NAALADL2: variants seen among roughly 807,000 people sequenced by gnomAD.
NAALADL2 encodes the protein inactive N-acetylated-alpha-linked acidic dipeptidase-like protein 2.
Under a neutral mutation model 87.2 loss-of-function variants are expected in NAALADL2, and 76 were observed. The ratio of observed to expected loss-of-function variants is 0.87; its 90% CI spans 0.72 to 1.05. NAALADL2 has a LOEUF of 1.05. Among genes scored for constraint, NAALADL2 ranks in the 50% least tolerant of loss-of-function variants. The probability of loss-of-function intolerance (pLI) is 0.00; values close to 1 mark genes in which losing one functional copy is unlikely to be tolerated. For synonymous variants in NAALADL2, 354 were observed against 331.0 expected, an observed-to-expected ratio of 1.07 and a Z score of -0.75; for missense variants, 1,089 against 945.8, an observed-to-expected ratio of 1.15 and a Z score of -1.99.
At chr3:175,466,954 G>T in intron 7 of NAALADL2, 25 bp from the exon 8 acceptor site, 1 of 1,538,592 alleles carries the variant, frequency 6.5e-7, no homozygotes, top group Non-Finnish European at 9.0e-7. Context: ...TTTTTTAAAT[G>T]GCTCTTGTCC....
intron 2 of NAALADL2, among the ~76,000 whole-genome samples, chr3:175,104,272 A>G (rs929381398): frequency 3.8e-4 from 58 of 152,302 alleles, no homozygotes; most frequent in African/African-American, 1.4e-3. Flanking sequence ...GTCCTTACCT[A>G]TAGGTAAACT....
rs533338319 is a variant in NAALADL2, at chr3:174,922,685, G to A, written c.43+63235G>A. 2.6e-5 allele frequency among the ~76,000 whole-genome samples: 4 copies of A among 152,114 alleles called. 1 individual carries two copies. The highest frequency in any genetic ancestry group is 1.3e-4 in the Admixed American group (2 of 15,272). On this transcript the variant is annotated intron_variant, in intron 1 of 13. Transcript: ENST00000454872. ...GTAAGGAATTTGACACTTTTGAAGA[G>A]TACAGATCAGTTATTTTGTAGAAAA...
chr3:174,836,765 A>G (rs947235263), intron 3 of NAALADL2, among the ~76,000 whole-genome samples: 4 of 151,224 alleles, frequency 2.6e-5, no homozygotes, highest in Non-Finnish European at 4.4e-5. Flanking sequence ...TGTTATGTAT[A>G]TTTTACCACA....
chr3:175,140,334 T>A (rs887634146), intron 2 of NAALADL2, among the ~76,000 whole-genome samples: 1 of 152,100 alleles, frequency 6.6e-6, no homozygotes, highest in African/African-American at 2.4e-5. Flanking sequence ...GACTAGAAAA[T>A]GTACTATATG....
chr3:175,453,286 C>G (rs1403858560), intron 6 of NAALADL2, among the ~76,000 whole-genome samples: 2 of 152,082 alleles, frequency 1.3e-5, no homozygotes, highest in Admixed American at 1.3e-4. Context: ...TGGACCAACA[C>G]TGTCATTTAC....
Position 174,651,828 on chromosome 3 carries a change from T to G in NAALADL2, c.-114-85813T>G, listed in dbSNP as rs533931525. On this transcript the variant is annotated intron_variant, in intron 2 of 3. Coordinates refer to the NAALADL2 transcript ENST00000434257. ...TTTATTTTTAAATGGAAGTTTAAAC[T>G]AAACTTACTTATTGAAATATAACAC... is the stretch of plus-strand genomic sequence containing the variant. 2.6e-5 allele frequency among the ~76,000 whole-genome samples: 4 copies of G among 152,328 alleles called. No homozygotes were observed. The East Asian group carries it at 7.7e-4, about 29-fold the overall frequency.
At chr3:174,836,728 AAAAAATG>A (rs1723379698) in intron 3 of NAALADL2, among the ~76,000 whole-genome samples, 1 of 151,096 alleles carries the variant, frequency 6.6e-6, no homozygotes, top group African/African-American at 2.5e-5. Context: ...AAAAAAAAAA[AAAAAATG>A]CTTAAGAGGG....
chr3:175,444,443 G>C (rs150185536), intron 5 of NAALADL2, among the ~76,000 whole-genome samples: 70 of 152,106 alleles, frequency 4.6e-4, no homozygotes, highest in African/African-American at 1.6e-3. Flanking sequence ...TTTTGGCTGA[G>C]AGCAGCCTCC....
intron 2 of NAALADL2, among the ~76,000 whole-genome samples, chr3:175,132,914 C>A (rs34298311): frequency 0.088 from 13,381 of 151,272 alleles, 642 homozygotes; most frequent in Non-Finnish European, 0.11. Flanking sequence ...CGGAGGGACT[C>A]CTCACTTCTC....
chr3:174,842,466 T>G (rs1724137989), intron 3 of NAALADL2, among the ~76,000 whole-genome samples: 1 of 152,222 alleles, frequency 6.6e-6, no homozygotes, highest in Admixed American at 6.5e-5. Context: ...AGTTTTGTGC[T>G]ACTGGAACTT....
intron 5 of NAALADL2, among the ~76,000 whole-genome samples, chr3:175,327,263 C>G (rs1760848406): frequency 6.7e-6 from 1 of 149,718 alleles, no homozygotes; most frequent in Non-Finnish European, 1.5e-5. Context: ...TCATGCCATT[C>G]TCCTGCCTCA....
chr3:175,505,014 C>T (rs563900479), intron 9 of NAALADL2, among the ~76,000 whole-genome samples: 10 of 152,242 alleles, frequency 6.6e-5, no homozygotes, highest in Non-Finnish European at 1.2e-4. Flanking sequence ...CATTATTTGA[C>T]GTTTCTCTTA....
At chr3:174,745,194 A>G (rs1734134074) in intron 3 of NAALADL2, among the ~76,000 whole-genome samples, 1 of 152,036 alleles carries the variant, frequency 6.6e-6, no homozygotes, top group Non-Finnish European at 1.5e-5. Flanking sequence ...ATAGACCACA[A>G]GCTAGACTAA....
chr3:175,745,792 G>A (rs748379075), intron 12 of NAALADL2, among the ~76,000 whole-genome samples: 5 of 152,062 alleles, frequency 3.3e-5, no homozygotes, highest in South Asian at 2.1e-4. Context: ...AAGAGTAAGC[G>A]CATAATAATC....
intron 3 of NAALADL2, among the ~76,000 whole-genome samples, chr3:174,741,208 T>C (rs1733729348): frequency 6.6e-6 from 1 of 151,720 alleles, no homozygotes; most frequent in South Asian, 2.1e-4. Flanking sequence ...GGCAAATGTC[T>C]TGAGGTACTT....
intron 2 of NAALADL2, among the ~76,000 whole-genome samples, chr3:174,551,839 A>G (rs1219924778): frequency 6.6e-6 from 1 of 152,186 alleles, no homozygotes; most frequent in Non-Finnish European, 1.5e-5. Context: ...ATTGATATTC[A>G]GTGGAAGATA....
At chr3:175,450,469 C>A (rs750281338) in intron 6 of NAALADL2, among the ~76,000 whole-genome samples, 8 of 152,080 alleles carry the variant, frequency 5.3e-5, no homozygotes, top group Non-Finnish European at 1.2e-4. Context: ...TTATCTTACC[C>A]ATTTAACCCT....
intron 5 of NAALADL2, among the ~76,000 whole-genome samples, chr3:175,325,594 A>G (rs939202445): frequency 6.6e-6 from 1 of 152,200 alleles, no homozygotes; most frequent in Admixed American, 6.5e-5. Flanking sequence ...TCAATGGGCT[A>G]CAGTGCTACC....
chr3:174,698,902 G>A lies in NAALADL2; in HGVS notation c.-114-38739G>A, dbSNP rs1188150289. ...AAAAAAATTCTATTTAGAATCTATT[G>A]TGCTTGTGCTTCATATATGTGTATA... On this transcript the variant is annotated intron_variant, in intron 2 of 3. Coordinates refer to the NAALADL2 transcript ENST00000434257. Among the ~76,000 whole-genome samples the A allele has an allele frequency of 3.2e-4, 30 of 94,886 alleles. 7 individuals carry two copies. The Admixed American group carries it at 3.8e-3, about 12-fold the overall frequency. The allele number at this position is 94,886 out of a possible 152,430, so 62.2% of individuals were successfully genotyped here.
Sources: allele counts gnomAD v4.1 joint callset (sites outside exome capture counted in the v4.1 genomes callset), GRCh38; gene constraint gnomAD v4.1.1; transcripts MANE v1.5; gene names NCBI Gene and HGNC (gene_info 2026-07-23, HGNC 2026-07-21).